KCNH7: variants seen among roughly 807,000 people sequenced by gnomAD.
The protein encoded by KCNH7 is potassium voltage-gated channel subfamily H member 7.
In KCNH7, 49 loss-of-function variants were observed where a neutral mutation model predicts 120.8. The observed-to-expected ratio is 0.41, with a 90% confidence interval of 0.32 to 0.51. The LOEUF (loss-of-function observed/expected upper bound fraction) is 0.51. Ranked by LOEUF, KCNH7 falls within the 20% of genes least tolerant of loss-of-function variation. The pLI, the probability that KCNH7 is intolerant of heterozygous loss-of-function variation, is 0.38. For synonymous variants in KCNH7, 547 were observed against 516.1 expected, an observed-to-expected ratio of 1.06 and a Z score of -0.81; for missense variants, 1,097 against 1,446.6, an observed-to-expected ratio of 0.76 and a Z score of 3.92.
At chr2:162,604,808 A>G (rs1694676715) in intron 2 of KCNH7, among the ~76,000 whole-genome samples, 1 of 151,916 alleles carries the variant, frequency 6.6e-6, no homozygotes. Context: ...CTTAGCTGAC[A>G]TTTTTCTTGC....
intron 2 of KCNH7, among the ~76,000 whole-genome samples, chr2:162,669,875 G>A (rs1054252667): frequency 7.3e-5 from 11 of 151,604 alleles, no homozygotes; most frequent in South Asian, 2.1e-4. Flanking sequence ...CGAGGCGGGC[G>A]GATAACCTGA....
At chr2:162,683,422 G>A (rs996785934) in intron 2 of KCNH7, among the ~76,000 whole-genome samples, 3 of 151,754 alleles carry the variant, frequency 2.0e-5, no homozygotes, top group Non-Finnish European at 2.9e-5. Context: ...AATAAGCTTC[G>A]GATTAATCAC....
chr2:162,696,021 G>T (rs537066086), intron 2 of KCNH7, among the ~76,000 whole-genome samples: 27 of 152,156 alleles, frequency 1.8e-4, no homozygotes, highest in Non-Finnish European at 3.8e-4. Context: ...AATATTGTTT[G>T]CATAAGCTTT....
rs149506377 is a variant in KCNH7, at chr2:162,597,210, T to C, written c.308-60130A>G. Among the ~76,000 whole-genome samples, 471 of 152,168 alleles carry C rather than the reference T, an allele frequency of 3.1e-3. 3 individuals carry two copies. The highest frequency in any genetic ancestry group is 4.8e-3 in the Admixed American group (73 of 15,258). On this transcript the variant is annotated intron_variant, in intron 2 of 15. Transcript: ENST00000332142. The stretch of plus-strand genomic sequence containing the variant: ...CTTTTGGGTGATACATCCAAATGAA[T>C]TGAAATCGATATACCGTAGAGATAT...
chr2:162,497,702 C>T (rs1480456487), intron 6 of KCNH7, among the ~76,000 whole-genome samples: 1 of 152,154 alleles, frequency 6.6e-6, no homozygotes, highest in African/African-American at 2.4e-5. Context: ...CAAGTTGCCT[C>T]CACTCTCTAA....
intron 2 of KCNH7, among the ~76,000 whole-genome samples, chr2:162,550,459 T>G (rs577676380): frequency 6.6e-6 from 1 of 152,248 alleles, no homozygotes; most frequent in Non-Finnish European, 1.5e-5. Context: ...TTCCCCAGAT[T>G]CAAATCTTAT....
chr2:162,470,374 T>C (rs891182968), intron 6 of KCNH7, among the ~76,000 whole-genome samples: 3 of 146,728 alleles, frequency 2.0e-5, no homozygotes, highest in Non-Finnish European at 4.5e-5. Flanking sequence ...GTCTGGGAGG[T>C]GAGGAGCGTC....
At chr2:162,595,051 A>C (rs934583395) in intron 2 of KCNH7, among the ~76,000 whole-genome samples, 4 of 152,076 alleles carry the variant, frequency 2.6e-5, no homozygotes, top group African/African-American at 9.7e-5. Context: ...CTAATTTCTA[A>C]AGGAAAGAAG....
At chr2:162,769,795 A>G (rs964705333) in intron 2 of KCNH7, among the ~76,000 whole-genome samples, 2 of 152,120 alleles carry the variant, frequency 1.3e-5, no homozygotes, top group African/African-American at 4.8e-5. Flanking sequence ...TTGAAGCAAA[A>G]CATTAAAAAC....
intron 2 of KCNH7, among the ~76,000 whole-genome samples, chr2:162,818,868 A>G (rs1488526771): frequency 6.6e-6 from 1 of 152,166 alleles, no homozygotes; most frequent in Non-Finnish European, 1.5e-5. Flanking sequence ...AGTTAACCCC[A>G]CCAATTATGG....
At chr2:162,721,876 C>T (rs536478577) in intron 2 of KCNH7, among the ~76,000 whole-genome samples, 112 of 151,502 alleles carry the variant, frequency 7.4e-4, no homozygotes, top group East Asian at 3.9e-4. Context: ...AAAATGATGG[C>T]GGAATAACTT....
At chr2:162,675,622 A>G (rs1685508556) in intron 2 of KCNH7, among the ~76,000 whole-genome samples, 1 of 151,504 alleles carries the variant, frequency 6.6e-6, no homozygotes, top group African/African-American at 2.4e-5. Flanking sequence ...GCAGGTACAA[A>G]GTAAGATGCA....
In KCNH7 at chr2:162,591,178, T is replaced by C. The variant is rs77077361; in HGVS notation, c.308-54098A>G. Among the ~76,000 whole-genome samples, 699 of 152,234 alleles carry C rather than the reference T, an allele frequency of 4.6e-3. 7 individuals carry two copies. Among genetic ancestry groups the C allele is most frequent in the African/African-American group, 0.016 (665 of 41,566 alleles). On this transcript the variant is annotated intron_variant, in intron 2 of 15. Transcript: ENST00000332142. ...AACCACTTCACCTTTCTCAACAAGATTATCTTACTTATACATCACCCAATT... is the reference window on the plus strand; with the variant it reads ...AACCACTTCACCTTTCTCAACAAGACTATCTTACTTATACATCACCCAATT...
chr2:162,469,183 T>C (rs1689410899), intron 6 of KCNH7, among the ~76,000 whole-genome samples: 2 of 152,202 alleles, frequency 1.3e-5, no homozygotes, highest in South Asian at 4.1e-4. Context: ...TAAGGTGGTA[T>C]GTAATAGCTA....
chr2:162,615,478 G>A (rs550088210), intron 2 of KCNH7, among the ~76,000 whole-genome samples: 1 of 152,260 alleles, frequency 6.6e-6, no homozygotes, highest in East Asian at 1.9e-4. Context: ...TGCCTCAGGG[G>A]TCAGGGTGGC....
chr2:162,487,450 T>G (rs900919498), intron 6 of KCNH7, among the ~76,000 whole-genome samples: 35 of 152,030 alleles, frequency 2.3e-4, no homozygotes, highest in Non-Finnish European at 4.1e-4. Context: ...CAGGCTCCAC[T>G]GATATATTTA....
chr2:162,627,442 TA>T (rs751839893), intron 2 of KCNH7, among the ~76,000 whole-genome samples: 6 of 152,220 alleles, frequency 3.9e-5, no homozygotes, highest in Non-Finnish European at 7.3e-5. Context: ...AATATGTTCC[TA>T]AACATGCATT....
intron 9 of KCNH7, among the ~76,000 whole-genome samples, chr2:162,409,259 C>T (rs1333809208): frequency 2.0e-4 from 31 of 151,596 alleles, no homozygotes; most frequent in Non-Finnish European, 2.1e-4. Context: ...GAGGCATGGG[C>T]TGATACAGAA....
At chr2:162,684,959 C>T (rs1020555855) in intron 2 of KCNH7, among the ~76,000 whole-genome samples, 2 of 152,064 alleles carry the variant, frequency 1.3e-5, no homozygotes, top group African/African-American at 4.8e-5. Flanking sequence ...AAACGCCCAT[C>T]AGTGATAGAC....
Sources: gnomAD v4.1 joint callset for allele counts (sites outside exome capture counted in the v4.1 genomes callset) on GRCh38, gnomAD v4.1.1 for gene constraint, MANE v1.5 for transcripts, NCBI Gene and HGNC (gene_info 2026-07-23, HGNC 2026-07-21) for gene names.